The following HTR7 variants were observed in gnomAD, a reference collection of about 807,000 sequenced individuals.
The protein encoded by HTR7 is 5-HT-7.
A neutral mutation model predicts 34.0 loss-of-function variants in HTR7; 16 were observed. The ratio of observed to expected loss-of-function variants is 0.47; its 90% confidence interval spans 0.32 to 0.71. The LOEUF is 0.71. HTR7 is among the 30% of genes least tolerant of loss of function. HTR7 has a pLI of 0.04. For missense variants in HTR7, 504 were observed against 625.5 expected (o/e 0.81, Z 2.07); for synonymous variants, 265 against 260.2 (o/e 1.02, Z -0.18).
At position 90,794,687 on chromosome 10, in the gene HTR7, G is replaced by A. The variant is rs1845512031; in HGVS notation, c.540-45093C>T. On this transcript the variant is annotated intron_variant, in intron 1 of 3. Coordinates refer to ENST00000336152, the MANE Select transcript of HTR7 (RefSeq NM_019859.4). ...GGCTATTTTTTTATTATTATTTGTA[G>A]GGATAGGGTCTCCCTGTGTTGCCTA... Among the ~76,000 whole-genome samples the A allele has an allele frequency of 3.3e-5, 5 of 152,062 alleles. No homozygotes were observed. The South Asian group carries it at 8.3e-4, about 25-fold the overall frequency.
Position 90,857,979 on chromosome 10 carries a change from G to A in HTR7, c.-308C>T, listed in dbSNP as rs557192033. Among the ~76,000 whole-genome samples, 5 of 151,046 alleles carry A rather than the reference G, an allele frequency of 3.3e-5. No individual in the cohort carries two copies. The highest frequency in any genetic ancestry group is 1.2e-4 in the African/African-American group (5 of 41,398). On this transcript the variant is annotated 5_prime_UTR_variant, in exon 1 of 4. Coordinates refer to ENST00000336152, the MANE Select transcript of HTR7 (RefSeq NM_019859.4). This position sits in a 1 kb window ranked among gnomAD's most constrained non-coding sequence, Gnocchi z 6.5. ...GGCTCCGCTGGCAGCTCCACAGTTCGCAGCAGCAGCTCGGCTGCGCCGAGA... is the reference window on the plus strand; with the variant it reads ...GGCTCCGCTGGCAGCTCCACAGTTCACAGCAGCAGCTCGGCTGCGCCGAGA...
chr10:90,841,863 G>T (rs902083577), intron 1 of HTR7, among the ~76,000 whole-genome samples: 5 of 152,168 alleles, frequency 3.3e-5, no homozygotes, highest in Admixed American at 6.5e-5. Context: ...AGCCAGGCGT[G>T]ATGGTGCACG....
chr10:90,805,507 G>T (rs1845691465), intron 1 of HTR7, among the ~76,000 whole-genome samples: 1 of 152,158 alleles, frequency 6.6e-6, no homozygotes, highest in Non-Finnish European at 1.5e-5. Flanking sequence ...AACAAACCTT[G>T]CTTGCCTTTG....
intron 2 of HTR7, among the ~76,000 whole-genome samples, chr10:90,744,824 T>A (rs886204699): frequency 6.6e-6 from 1 of 152,214 alleles, no homozygotes; most frequent in Non-Finnish European, 1.5e-5. Context: ...TAATTTCATC[T>A]CAATCTACTT....
chr10:90,838,751 C>A (rs1262577970), intron 1 of HTR7, among the ~76,000 whole-genome samples: 1 of 152,176 alleles, frequency 6.6e-6, no homozygotes, highest in Admixed American at 6.6e-5. Context: ...CTAGAAAGTT[C>A]TTTTTCCTGA....
intron 1 of HTR7, among the ~76,000 whole-genome samples, chr10:90,807,703 C>T (rs1165235994): frequency 1.3e-5 from 2 of 152,214 alleles, no homozygotes; most frequent in African/African-American, 4.8e-5. Context: ...TCACACAAAG[C>T]CTGTTTGGTG....
intron 1 of HTR7, among the ~76,000 whole-genome samples, chr10:90,837,368 TA>T (rs1355477432): frequency 3.3e-5 from 5 of 152,226 alleles, no homozygotes; most frequent in African/African-American, 1.2e-4. Context: ...TAAACAATGA[TA>T]TGGTTGAATG....
intron 1 of HTR7, among the ~76,000 whole-genome samples, chr10:90,809,679 CCT>C (rs1253348279): frequency 6.6e-6 from 1 of 152,240 alleles, no homozygotes; most frequent in Non-Finnish European, 1.5e-5. Flanking sequence ...TCCAGAACCT[CCT>C]CTGCCAGGAG....
chr10:90,857,546 G>C lies in HTR7; in HGVS notation c.126C>G (p.Gly42=). Residue 42 remains glycine, a synonymous_variant, in exon 1 of 4, where the codon GGC becomes GGG. Coordinates refer to ENST00000336152, the MANE Select transcript of HTR7 (RefSeq NM_019859.4). The surrounding 1 kb of genome is among the most constrained non-coding windows in gnomAD (Gnocchi z 6.5). ...CGCTCAGCAGGTGCGGCGCCCAGGA[G>C]CCCGCGACCGGGTCGGCGCCACCGT... ...SPDGGADPVA[G]SWAPHLLSEV... is the part of the protein sequence containing the mutation. The C allele has an allele frequency of 6.2e-7, 1 of 1,600,706 alleles. No individual in the cohort carries two copies. The highest frequency in any genetic ancestry group is 1.1e-5 in the South Asian group (1 of 90,080).
At chr10:90,771,011 G>C (rs541869576) in intron 1 of HTR7, among the ~76,000 whole-genome samples, 1 of 152,204 alleles carries the variant, frequency 6.6e-6, no homozygotes, top group African/African-American at 2.4e-5. Flanking sequence ...GGCTCAGCCA[G>C]AGCAGAAGGG....
At chr10:90,811,142 CAGAGCTGA>C (rs1182734354) in intron 1 of HTR7, among the ~76,000 whole-genome samples, 1 of 152,166 alleles carries the variant, frequency 6.6e-6, no homozygotes, top group Non-Finnish European at 1.5e-5. Context: ...TTTCATTACA[CAGAGCTGA>C]AGTGCAGGGC....
At chr10:90,830,225 C>G (rs1198743588) in intron 1 of HTR7, among the ~76,000 whole-genome samples, 1 of 152,164 alleles carries the variant, frequency 6.6e-6, no homozygotes, top group Admixed American at 6.5e-5. Context: ...GAAGAAGATC[C>G]TGATTCACTG....
chr10:90,759,329 T>C (rs1179702821), intron 1 of HTR7, among the ~76,000 whole-genome samples: 1 of 151,298 alleles, frequency 6.6e-6, no homozygotes, highest in African/African-American at 2.4e-5. Context: ...ATAAAATCCA[T>C]CCAACTAAAA....
intron 1 of HTR7, among the ~76,000 whole-genome samples, chr10:90,819,649 T>C (rs1188431989): frequency 6.6e-6 from 1 of 152,208 alleles, no homozygotes; most frequent in Non-Finnish European, 1.5e-5. Context: ...GTTTCTGAGA[T>C]CACTTTTTCT....
chr10:90,756,108 T>TA (rs1844829571), intron 1 of HTR7, among the ~76,000 whole-genome samples: 1 of 152,020 alleles, frequency 6.6e-6, no homozygotes, highest in Non-Finnish European at 1.5e-5. Context: ...CTAAAGAAGC[T>TA]AAAAAACAAA....
intron 1 of HTR7, among the ~76,000 whole-genome samples, chr10:90,830,596 G>A (rs1846152597): frequency 6.6e-6 from 1 of 151,936 alleles, no homozygotes; most frequent in African/African-American, 2.4e-5. Flanking sequence ...GACCAGCCTG[G>A]GCAACATGAT....
At chr10:90,825,682 A>C (rs1473637236) in intron 1 of HTR7, among the ~76,000 whole-genome samples, 1 of 152,214 alleles carries the variant, frequency 6.6e-6, no homozygotes, top group African/African-American at 2.4e-5. Context: ...AAATCAAACA[A>C]ATTCTAGAGT....
chr10:90,807,339 C>T (rs536470501), intron 1 of HTR7, among the ~76,000 whole-genome samples: 10 of 152,292 alleles, frequency 6.6e-5, no homozygotes, highest in African/African-American at 2.2e-4. Context: ...GTCACTTGCA[C>T]GTACACACCC....
chr10:90,766,660 G>A (rs1845029821), intron 1 of HTR7, among the ~76,000 whole-genome samples: 1 of 152,058 alleles, frequency 6.6e-6, no homozygotes, highest in African/African-American at 2.4e-5. Context: ...TTGTAGTGGT[G>A]GTATACTTTC....
Sources: allele counts gnomAD v4.1 joint callset (sites outside exome capture counted in the v4.1 genomes callset), GRCh38; gene constraint gnomAD v4.1.1; non-coding constraint Gnocchi (gnomAD v3.1); transcripts MANE v1.5; gene names NCBI Gene and HGNC (gene_info 2026-07-23, HGNC 2026-07-21).